Variants in CHN2 observed in about 807,000 individuals in gnomAD.
The protein encoded by CHN2 is beta-chimaerin.
In CHN2, 35 loss-of-function variants were observed where a neutral mutation model predicts 56.3. The observed-to-expected ratio is 0.62, with a 90% CI of 0.47 to 0.82. CHN2 has a LOEUF of 0.82. Among genes scored for constraint, CHN2 ranks in the 40% least tolerant of loss-of-function variants. The pLI is 0.00. For synonymous variants in CHN2, 210 were observed against 212.8 expected (o/e 0.99, Z 0.12); for missense variants, 491 against 580.5 (o/e 0.85, Z 1.58).
At chr7:29,332,404 G>T (rs995184945) in intron 1 of CHN2, among the ~76,000 whole-genome samples, 6 of 152,166 alleles carry the variant, frequency 3.9e-5, no homozygotes, top group African/African-American at 1.4e-4. Context: ...GACTAGTCAG[G>T]TTCAACTTAC....
rs1380150496 is a variant in CHN2 at position 29,384,552 on chromosome 7, A to G, written c.145-9127A>G. On this transcript the variant is annotated intron_variant, in intron 3 of 12. Coordinates refer to ENST00000222792, the MANE Select transcript of CHN2 (RefSeq NM_004067.4). ...TTAGTGGAGTTCTGGGTCAAGGTCA[A>G]TAGGACTGAACTGGGTGAAGATCAG... Among the ~76,000 whole-genome samples the G allele has an allele frequency of 2.0e-5, 3 of 152,162 alleles. No individual in the cohort carries two copies. In the East Asian group the frequency reaches 5.8e-4, roughly 29 times the overall value.
At chr7:29,233,003 G>A (rs1207162147) in intron 1 of CHN2, among the ~76,000 whole-genome samples, 1 of 152,080 alleles carries the variant, frequency 6.6e-6, no homozygotes, top group East Asian at 1.9e-4. Flanking sequence ...TTATTTCAAC[G>A]ATTTATATTA....
chr7:29,480,308 C>A lies in CHN2; in HGVS notation c.606C>A (p.Leu202=). Residue 202 remains leucine (L), a synonymous_variant, in exon 7 of 13, where the codon CTC becomes CTA. Coordinates refer to ENST00000222792, the MANE Select transcript of CHN2 (RefSeq NM_004067.4). ...CCTCCCTGGTTCGAAGGGCTGCCCT[C>A]ACACACAACGACAACCACTTCAATT... ...KISSLVRRAA[L]THNDNHFNYE... 6.2e-7 allele frequency: 1 copy of A among 1,614,198 alleles called. No individual in the cohort carries two copies. The highest frequency in any genetic ancestry group is 8.5e-7 in the Non-Finnish European group (1 of 1,180,022).
intron 1 of CHN2, among the ~76,000 whole-genome samples, chr7:29,332,170 G>A (rs1043561533): frequency 5.3e-5 from 8 of 152,134 alleles, no homozygotes; most frequent in African/African-American, 1.2e-4. Flanking sequence ...CCGCAGTGGC[G>A]CGAGACTGTC....
rs548152479 is a variant in CHN2, at chr7:29,218,255, C to A, written c.49+23265C>A. 7.8e-5 allele frequency among the ~76,000 whole-genome samples: 11 copies of A among 140,638 alleles called. No homozygotes were observed. The East Asian group carries it at 2.8e-3, about 36-fold the overall frequency. The allele number at this position is 140,638 out of a possible 152,430, so 92.3% of individuals were successfully genotyped here. ...TCCTTCTTACCTGTAACCATAAATA[C>A]CAGACAGCCAAAGTCATGCCTCGTG... On this transcript the variant is annotated intron_variant, in intron 1 of 12. Transcript: ENST00000222792.
intron 1 of CHN2, among the ~76,000 whole-genome samples, chr7:29,206,804 C>G (rs1000713669): frequency 6.6e-6 from 1 of 152,058 alleles, no homozygotes; most frequent in Non-Finnish European, 1.5e-5. Context: ...CATGCTACAC[C>G]AGGGATGAGC....
chr7:29,351,636 G>A (rs1031396551), intron 1 of CHN2, among the ~76,000 whole-genome samples: 4 of 152,208 alleles, frequency 2.6e-5, no homozygotes, highest in African/African-American at 9.7e-5. Flanking sequence ...CGATCTATTG[G>A]AGGGCATTTT....
chr7:29,431,568 G>A (rs1298467262), intron 6 of CHN2, among the ~76,000 whole-genome samples: 1 of 152,188 alleles, frequency 6.6e-6, no homozygotes, highest in Admixed American at 6.5e-5. Context: ...AGGTTGGTTG[G>A]TCCACTAGAC....
chr7:29,193,671 CA>C (rs1256579140), upstream of CHN2: 5 of 152,160 alleles, frequency 3.3e-5, no homozygotes, highest in Non-Finnish European at 5.9e-5. Context: ...GGTTTAAATA[CA>C]GGGGGAAGGG....
chr7:29,195,761 G>C (rs893065799), intron 1 of CHN2, among the ~76,000 whole-genome samples: 2 of 152,016 alleles, frequency 1.3e-5, no homozygotes, highest in African/African-American at 2.4e-5. Context: ...CAAAGGGAAG[G>C]CTTCTTTCAG....
chr7:29,452,339 A>G (rs1784462809), intron 6 of CHN2, among the ~76,000 whole-genome samples: 1 of 152,158 alleles, frequency 6.6e-6, no homozygotes, highest in African/African-American at 2.4e-5. Flanking sequence ...GGAAGGGTCT[A>G]GAGCGCAAAA....
At chr7:29,437,597 C>CAAAAAAAAAAAAA (rs11436612) in intron 6 of CHN2, among the ~76,000 whole-genome samples, 1 of 52,612 alleles carries the variant, frequency 1.9e-5, no homozygotes, top group East Asian at 4.2e-4. Context: ...GACTCCGTCT[C>CAAAAAAAAAAAAA]AAAAAAAAAA....
intron 1 of CHN2, among the ~76,000 whole-genome samples, chr7:29,285,632 G>A (rs1401603311): frequency 6.6e-6 from 1 of 152,186 alleles, no homozygotes; most frequent in African/African-American, 2.4e-5. Flanking sequence ...CACATATGTG[G>A]TTGCTAGGGT....
intron 6 of CHN2, among the ~76,000 whole-genome samples, chr7:29,409,260 A>G (rs927000098): frequency 2.0e-5 from 3 of 152,188 alleles, no homozygotes; most frequent in Admixed American, 6.5e-5. Flanking sequence ...CTTTAAAGTT[A>G]CTGAGGACCC....
At chr7:29,330,743 T>C (rs2128903542) in intron 1 of CHN2, among the ~76,000 whole-genome samples, 1 of 152,292 alleles carries the variant, frequency 6.6e-6, no homozygotes, top group South Asian at 2.1e-4. Context: ...TCAGAATACA[T>C]CACAGAAAAG....
chr7:29,507,570 T>G (rs533942113), intron 11 of CHN2, among the ~76,000 whole-genome samples: 2 of 152,308 alleles, frequency 1.3e-5, no homozygotes, highest in Admixed American at 6.5e-5. Context: ...CTGATGTATG[T>G]GTCAGGCAGT....
chr7:29,404,415 A>G (rs1257778834), intron 6 of CHN2, among the ~76,000 whole-genome samples: 1 of 152,238 alleles, frequency 6.6e-6, no homozygotes, highest in Admixed American at 6.5e-5. Context: ...ATGCCCTTAA[A>G]TAATAAAAGC....
intron 1 of CHN2, among the ~76,000 whole-genome samples, chr7:29,256,216 TTTTGGGTGAA>T (rs1309558906): frequency 6.6e-6 from 1 of 152,164 alleles, no homozygotes; most frequent in Non-Finnish European, 1.5e-5. Flanking sequence ...TGCCAGGTGT[TTTTGGGTGAA>T]TGAATGAGAC....
intron 6 of CHN2, among the ~76,000 whole-genome samples, chr7:29,421,831 A>G (rs376842970): frequency 6.6e-6 from 1 of 152,168 alleles, no homozygotes; most frequent in South Asian, 2.1e-4. Flanking sequence ...TTAAGAAGCT[A>G]TTTGAACACC....
Sources: gnomAD v4.1 joint callset for allele counts (sites outside exome capture counted in the v4.1 genomes callset) on GRCh38, gnomAD v4.1.1 for gene constraint, MANE v1.5 for transcripts, NCBI Gene and HGNC (gene_info 2026-07-23, HGNC 2026-07-21) for gene names.